The following PTPRR variants were observed in gnomAD, a reference collection of about 807,000 sequenced individuals.
The protein encoded by PTPRR is receptor-type tyrosine-protein phosphatase R.
Under a neutral mutation model 77.2 loss-of-function variants are expected in PTPRR, and 38 were observed. The observed-to-expected ratio is 0.49, with a 90% confidence interval of 0.38 to 0.65. The LOEUF (loss-of-function observed/expected upper bound fraction) is 0.65. Among genes scored for constraint, PTPRR ranks in the 30% least tolerant of loss-of-function variants. PTPRR has a pLI of 0.00. For missense variants in PTPRR, 744 were observed against 799.2 expected, an observed-to-expected ratio of 0.93 and a Z score of 0.83; for synonymous variants, 299 against 283.1, an observed-to-expected ratio of 1.06 and a Z score of -0.57.
chr12:70,745,069 AT>A (rs537130272), intron 6 of PTPRR, among the ~76,000 whole-genome samples: 23 of 150,662 alleles, frequency 1.5e-4, no homozygotes, highest in Middle Eastern at 6.9e-3. Flanking sequence ...AATGTCATGG[AT>A]TTTTTTTTTC....
intron 2 of PTPRR, among the ~76,000 whole-genome samples, chr12:70,776,430 G>C (rs1033857310): frequency 1.3e-5 from 2 of 152,236 alleles, no homozygotes; most frequent in South Asian, 2.1e-4. Flanking sequence ...GGACATCATA[G>C]TTATCTGTGT....
At chr12:70,687,880 G>C (rs929133963) in intron 8 of PTPRR, among the ~76,000 whole-genome samples, 1 of 152,080 alleles carries the variant, frequency 6.6e-6, no homozygotes. Context: ...CCTCTTTAAA[G>C]CATTCTGGAA....
intron 10 of PTPRR, among the ~76,000 whole-genome samples, chr12:70,675,052 C>T (rs543853361): frequency 6.6e-6 from 1 of 152,116 alleles, no homozygotes; most frequent in South Asian, 2.1e-4. Flanking sequence ...ATCTGACATT[C>T]TTTATCTCTG....
chr12:70,783,580 G>A (rs904447093), intron 2 of PTPRR, among the ~76,000 whole-genome samples: 1 of 152,014 alleles, frequency 6.6e-6, no homozygotes, highest in East Asian at 1.9e-4. Flanking sequence ...GTGGGGAAGT[G>A]CATGCTGACT....
At chr12:70,730,217 T>C (rs1889603650) in intron 6 of PTPRR, among the ~76,000 whole-genome samples, 3 of 152,110 alleles carry the variant, frequency 2.0e-5, no homozygotes, top group Admixed American at 1.3e-4. Flanking sequence ...GAAGAACATA[T>C]TTAAATTAGA....
chr12:70,641,658 G>GA (rs1566036892), intron 13 of PTPRR, among the ~76,000 whole-genome samples: 1 of 152,038 alleles, frequency 6.6e-6, no homozygotes, highest in Non-Finnish European at 1.5e-5. Flanking sequence ...AAATAAAAAT[G>GA]AAAAAAACTG....
intron 2 of PTPRR, among the ~76,000 whole-genome samples, chr12:70,822,964 C>G (rs977656060): frequency 6.6e-6 from 1 of 151,642 alleles, no homozygotes; most frequent in Admixed American, 6.6e-5. Context: ...TCCTCTAAAG[C>G]CCAATTAAAA....
intron 2 of PTPRR, 45 bp downstream of exon 2, chr12:70,892,634 A>G (rs1893356946): frequency 1.3e-6 from 2 of 1,594,056 alleles, no homozygotes; most frequent in Admixed American, 1.7e-5. Flanking sequence ...CAATGACAGG[A>G]AAGAATCAAC....
chr12:70,849,020 T>A (rs576718895), intron 2 of PTPRR, among the ~76,000 whole-genome samples: 5 of 152,226 alleles, frequency 3.3e-5, no homozygotes, highest in Admixed American at 2.6e-4. Flanking sequence ...TCACCATTTA[T>A]AATTTTTTGT....
At chr12:70,734,662 G>A (rs1486997192) in intron 6 of PTPRR, among the ~76,000 whole-genome samples, 1 of 152,170 alleles carries the variant, frequency 6.6e-6, no homozygotes, top group Non-Finnish European at 1.5e-5. Context: ...AGTAGAGAAA[G>A]GGAAGGCAAG....
chr12:70,840,078 CTTAA>C (rs1892370184), intron 2 of PTPRR, among the ~76,000 whole-genome samples: 1 of 152,102 alleles, frequency 6.6e-6, no homozygotes, highest in South Asian at 2.1e-4. Flanking sequence ...ACCTGATTGG[CTTAA>C]TTAATACAGA....
intron 13 of PTPRR, among the ~76,000 whole-genome samples, chr12:70,641,839 C>A (rs1024614005): frequency 1.3e-5 from 2 of 152,140 alleles, no homozygotes; most frequent in African/African-American, 4.8e-5. Context: ...ACTGAAATAA[C>A]CCAAAAGACG....
chr12:70,789,114 C>T, intron 2 of PTPRR: 1 of 430,314 alleles, frequency 2.3e-6, no homozygotes, highest in Non-Finnish European at 4.1e-6. Flanking sequence ...TGGGAATTAG[C>T]AAAACTGTAA....
At chr12:70,659,786 A>C (rs995303622) in intron 12 of PTPRR, among the ~76,000 whole-genome samples, 1 of 152,082 alleles carries the variant, frequency 6.6e-6, no homozygotes, top group African/African-American at 2.4e-5. Context: ...TTATACTCTA[A>C]AATAATATAT....
At chr12:70,910,484 C>T (rs543639245) in intron 1 of PTPRR, among the ~76,000 whole-genome samples, 1 of 152,258 alleles carries the variant, frequency 6.6e-6, no homozygotes, top group African/African-American at 2.4e-5. Context: ...AGGAAATACT[C>T]ATTTGTTATC....
intron 2 of PTPRR, among the ~76,000 whole-genome samples, chr12:70,774,877 G>C (rs1286033197): frequency 6.6e-6 from 1 of 152,144 alleles, no homozygotes; most frequent in Non-Finnish European, 1.5e-5. Context: ...ATAGATGCTA[G>C]AAATGCACAG....
chr12:70,900,080 C>T (rs1893505000), intron 1 of PTPRR, among the ~76,000 whole-genome samples: 1 of 151,342 alleles, frequency 6.6e-6, no homozygotes, highest in African/African-American at 2.4e-5. Context: ...GAAGACTCTA[C>T]ATAATGAAGA....
intron 13 of PTPRR, among the ~76,000 whole-genome samples, chr12:70,646,709 C>T (rs1233643967): frequency 6.6e-6 from 1 of 152,100 alleles, no homozygotes; most frequent in Non-Finnish European, 1.5e-5. Context: ...TGTTGAATTC[C>T]TGATCTTCAA....
chr12:70,842,270 C>A (rs1180290744), intron 2 of PTPRR, among the ~76,000 whole-genome samples: 1 of 152,146 alleles, frequency 6.6e-6, no homozygotes, highest in Non-Finnish European at 1.5e-5. Context: ...AAATACTGTT[C>A]TTTTGGAACT....
Sources: gnomAD v4.1 joint callset for allele counts (sites outside exome capture counted in the v4.1 genomes callset) on GRCh38, gnomAD v4.1.1 for gene constraint, MANE v1.5 for transcripts, NCBI Gene and HGNC (gene_info 2026-07-23, HGNC 2026-07-21) for gene names.